Variants in P3H2 observed in about 807,000 individuals in gnomAD.
P3H2 encodes leprecan-like 1.
P3H2 carries 80 observed loss-of-function variants against 87.0 expected under a neutral mutation model. The observed-to-expected ratio is 0.92, with a 90% CI of 0.77 to 1.11. The LOEUF is 1.11. P3H2 is among the 50% of genes least tolerant of loss of function. P3H2 has a pLI of 0.00. For missense variants in P3H2, 1,001 were observed against 923.9 expected, an observed-to-expected ratio of 1.08 and a Z score of -1.08; for synonymous variants, 367 against 359.3, an observed-to-expected ratio of 1.02 and a Z score of -0.24.
intron 1 of P3H2, among the ~76,000 whole-genome samples, chr3:190,027,965 C>T (rs1725134252): frequency 7.5e-6 from 1 of 132,878 alleles, no homozygotes; most frequent in African/African-American, 2.8e-5. Context: ...AAGACTCCAT[C>T]GCAAAAAAAA....
chr3:190,024,040 T>C (rs111941543), intron 1 of P3H2, among the ~76,000 whole-genome samples: 1,747 of 152,248 alleles, frequency 0.011, 29 homozygotes, highest in African/African-American at 0.039. Context: ...GGATATACTA[T>C]AATATTAAAT....
intron 1 of P3H2, among the ~76,000 whole-genome samples, chr3:190,035,136 AC>A (rs1725379785): frequency 6.6e-6 from 1 of 151,838 alleles, no homozygotes; most frequent in African/African-American, 2.4e-5. Flanking sequence ...GGTGTAAGCC[AC>A]CGCATCTGCC....
chr3:190,118,229 GTTAT>G (rs757934198), intron 1 of P3H2, among the ~76,000 whole-genome samples: 3 of 151,992 alleles, frequency 2.0e-5, no homozygotes, highest in African/African-American at 4.8e-5. Flanking sequence ...TTACCTCATG[GTTAT>G]TTGTTTTTAT....
At position 190,120,802 on chromosome 3, in the gene P3H2, T is replaced by G; in HGVS notation, c.-71A>C. 1 of 1,481,578 alleles carries G rather than the reference T, an allele frequency of 6.7e-7. No individual in the cohort carries two copies. The highest frequency in any genetic ancestry group is 2.2e-5 in the Admixed American group (1 of 45,078). The allele number at this position is 1,481,578 out of a possible 1,614,324, so 91.8% of individuals were successfully genotyped here. On this transcript the variant is annotated 5_prime_UTR_variant, in exon 1 of 15. Coordinates refer to ENST00000319332, the MANE Select transcript of P3H2 (RefSeq NM_018192.4). The stretch of plus-strand genomic sequence containing the variant: ...CGGGGCACCTCGCGTCCGGGTCCCC[T>G]CTCCCACCTTCCCTCGGGGAAGCGC...
intron 10 of P3H2, among the ~76,000 whole-genome samples, chr3:189,973,503 CTTTCTTTCTTTTTTT>C (rs1255196517): frequency 1.0e-3 from 39 of 38,524 alleles, no homozygotes; most frequent in Non-Finnish European, 2.0e-3. Flanking sequence ...TTCTTTCTTT[CTTTCTTTCTTTTTTT>C]TTTTTTTTTT....
At chr3:190,120,931 A>AC (rs1712558029), upstream of P3H2, 1 of 736,114 alleles carries the variant, frequency 1.4e-6, no homozygotes. Flanking sequence ...TCTTAAAGGG[A>AC]CGCCCACAGC....
intron 1 of P3H2, among the ~76,000 whole-genome samples, chr3:190,049,334 G>A (rs1725902469): frequency 6.6e-6 from 1 of 151,938 alleles, no homozygotes; most frequent in South Asian, 2.1e-4. Context: ...AAAACCAGAT[G>A]CTTAAATTGT....
chr3:189,974,324 A>G (rs1440929476), intron 9 of P3H2: 1 of 621,850 alleles, frequency 1.6e-6, no homozygotes, highest in Non-Finnish European at 2.8e-6. Context: ...ACCTTGCTAG[A>G]TGGCTGTTGG....
intron 1 of P3H2, among the ~76,000 whole-genome samples, chr3:190,089,099 C>T (rs1727322711): frequency 6.6e-6 from 1 of 152,150 alleles, no homozygotes; most frequent in South Asian, 2.1e-4. Context: ...TCTCCTAGGG[C>T]CAGCATTCAT....
chr3:190,110,871 A>G (rs12494405), intron 1 of P3H2, among the ~76,000 whole-genome samples: 31,857 of 152,170 alleles, frequency 0.21, 4,160 homozygotes, highest in Admixed American at 0.29. Context: ...ATTTTATTAC[A>G]TATTTTGCTT....
At chr3:189,959,753 C>G (rs1722753922) in intron 14 of P3H2, among the ~76,000 whole-genome samples, 1 of 152,020 alleles carries the variant, frequency 6.6e-6, no homozygotes, top group Non-Finnish European at 1.5e-5. Flanking sequence ...AATTGTATCT[C>G]AAATCTTCCA....
At chr3:190,109,680 T>A (rs1216790168) in intron 1 of P3H2, among the ~76,000 whole-genome samples, 2 of 152,150 alleles carry the variant, frequency 1.3e-5, no homozygotes, top group East Asian at 3.9e-4. Flanking sequence ...GTGCTTTGCA[T>A]CTTGAAGAGA....
At chr3:190,044,690 G>A (rs1725744657) in intron 1 of P3H2, among the ~76,000 whole-genome samples, 1 of 152,158 alleles carries the variant, frequency 6.6e-6, no homozygotes, top group African/African-American at 2.4e-5. Flanking sequence ...TACAAGCTAG[G>A]ACAAAAACTA....
At chr3:190,102,131 C>G (rs1711649960) in intron 1 of P3H2, among the ~76,000 whole-genome samples, 2 of 152,186 alleles carry the variant, frequency 1.3e-5, no homozygotes, top group African/African-American at 4.8e-5. Flanking sequence ...CTTCTAGTCA[C>G]CCAAGAGCTC....
chr3:190,046,471 T>C (rs1201817228), intron 1 of P3H2, among the ~76,000 whole-genome samples: 2 of 152,126 alleles, frequency 1.3e-5, no homozygotes, highest in Non-Finnish European at 2.9e-5. Flanking sequence ...TCTGGCCAAA[T>C]GAAGTAATGG....
intron 1 of P3H2, among the ~76,000 whole-genome samples, chr3:190,091,399 A>T (rs1247904619): frequency 6.6e-6 from 1 of 152,244 alleles, no homozygotes; most frequent in Non-Finnish European, 1.5e-5. Context: ...ATACACTCTC[A>T]ACTTTACACT....
intron 1 of P3H2, among the ~76,000 whole-genome samples, chr3:190,064,951 A>G (rs1726451219): frequency 6.6e-6 from 1 of 152,100 alleles, no homozygotes; most frequent in South Asian, 2.1e-4. Context: ...AGCTAATTCC[A>G]TCTTCTAGGA....
At chr3:190,099,729 A>C (rs1023077313) in intron 1 of P3H2, among the ~76,000 whole-genome samples, 2 of 152,234 alleles carry the variant, frequency 1.3e-5, no homozygotes, top group Non-Finnish European at 2.9e-5. Flanking sequence ...TTAACAATAT[A>C]TATCTTGATC....
chr3:190,088,093 T>A (rs1727285915), intron 1 of P3H2, among the ~76,000 whole-genome samples: 1 of 152,142 alleles, frequency 6.6e-6, no homozygotes, highest in African/African-American at 2.4e-5. Flanking sequence ...AAATTTCATA[T>A]GAAACACATG....
Sources: allele counts gnomAD v4.1 joint callset (sites outside exome capture counted in the v4.1 genomes callset), GRCh38; gene constraint gnomAD v4.1.1; transcripts MANE v1.5; gene names NCBI Gene and HGNC (gene_info 2026-07-23, HGNC 2026-07-21).